The following CD63 variants were observed in gnomAD, a reference collection of about 807,000 sequenced individuals.
CD63 encodes CD63 molecule.
In CD63, 16 loss-of-function variants were observed where a neutral mutation model predicts 29.2. The observed-to-expected ratio is 0.55, with a 90% confidence interval of 0.37 to 0.83. The LOEUF (loss-of-function observed/expected upper bound fraction) is 0.83, where lower values mean the gene tolerates loss of function less well. Among genes scored for constraint, CD63 ranks in the 40% least tolerant of loss-of-function variants. CD63 has a pLI of 0.00. For synonymous variants in CD63, 118 were observed against 111.7 expected (o/e 1.06, Z -0.36); for missense variants, 251 against 297.3 (o/e 0.84, Z 1.15).
rs1302228306 is a variant in CD63, at chr12:55,725,544, C to T, written c.*17G>A. The stretch of plus-strand genomic sequence containing the variant: ...TATTCCACTCCCCCAGATGAGGAGG[C>T]TGAGGAGACCAGACCCCTACATCAC... On this transcript the variant is annotated 3_prime_UTR_variant, in exon 8 of 8. Coordinates refer to ENST00000257857, the MANE Select transcript of CD63 (RefSeq NM_001780.6). 6.2e-7 allele frequency: 1 copy of T among 1,604,382 alleles called. No individual in the cohort carries two copies. Among genetic ancestry groups the T allele is most frequent in the Non-Finnish European group, 8.5e-7 (1 of 1,171,182 alleles).
At chr12:55,725,702 A>C in intron 7 of CD63, 76 bp from the exon 8 acceptor site, 2 of 1,519,626 alleles carry the variant, frequency 1.3e-6, no homozygotes, top group South Asian at 2.2e-5. Context: ...AAGAGACTCC[A>C]AACACACACT....
At position 55,726,754 on chromosome 12, in the gene CD63, C is replaced by T. The variant is rs749369237; in HGVS notation, c.372G>A (p.Glu124=). The T allele has an allele frequency of 1.2e-6, 2 of 1,613,996 alleles. No homozygotes were observed. The highest frequency in any genetic ancestry group is 1.7e-6 in the Non-Finnish European group (2 of 1,180,004). ...CAGTGTGGTTGTTTTTCGGGTAATT[C>T]TCCATCTGCTGCCGGAAGTTGTTAT... ...EFNNNFRQQM[E]NYPKNNHTAS... The change falls in exon 5 of 8, where the codon GAG becomes GAA. Residue 124 remains glutamate (E), a synonymous_variant. Coordinates refer to ENST00000257857, the MANE Select transcript of CD63 (RefSeq NM_001780.6).
At chr12:55,723,652 T>G, downstream of CD63, 1 of 551,956 alleles carries the variant, frequency 1.8e-6, no homozygotes, top group Non-Finnish European at 3.3e-6. Context: ...ATATTAACTC[T>G]CTGGCCCTTT....
Position 55,725,349 on chromosome 12 carries a change from TC to T in CD63, c.*211del, listed in dbSNP as rs1416949771. ...CCAACACCTTCGCAAAGTCCTCCTT[TC>T]CCAAACACCCCCCAAAATAGACCTC... On this transcript the variant is annotated 3_prime_UTR_variant, in exon 8 of 8. Coordinates refer to ENST00000257857, the MANE Select transcript of CD63 (RefSeq NM_001780.6). 1 of 586,768 alleles carries T rather than the reference TC, an allele frequency of 1.7e-6. No homozygotes were observed. Among genetic ancestry groups the T allele is most frequent in the African/African-American group, 1.9e-5 (1 of 53,402 alleles). 36.3% of individuals were successfully genotyped at this position (586,768 alleles called of 1,614,324 possible).
intron 5 of CD63, among the ~76,000 whole-genome samples, 156 bp downstream of exon 5, chr12:55,726,544 C>T (rs540601492): frequency 2.6e-5 from 4 of 151,972 alleles, no homozygotes; most frequent in South Asian, 4.2e-4. Flanking sequence ...AGGGTTTCAC[C>T]ACGTTGGCCA....
chr12:55,725,918 G>C, intron 6 of CD63, 22 bp from the exon 7 acceptor site: 1 of 1,611,166 alleles, frequency 6.2e-7, no homozygotes, highest in Non-Finnish European at 8.5e-7. Flanking sequence ...AGGCACAAAG[G>C]ACAAAAGCAC....
Position 55,728,129 on chromosome 12 carries a change from A to G in CD63, c.66+147T>C, listed in dbSNP as rs1461170979. On this transcript the variant is annotated intron_variant, in intron 2 of 7. Coordinates refer to ENST00000257857, the MANE Select transcript of CD63 (RefSeq NM_001780.6). This position sits in a 1 kb window ranked among gnomAD's most constrained non-coding sequence, Gnocchi z 4.8. ...CTCAGGTGTCCAGGAAAACTGGAGGAGGGAGTGGCTGCGCTGTCTTTCCCT... is the reference window on the plus strand; with the variant it reads ...CTCAGGTGTCCAGGAAAACTGGAGGGGGGAGTGGCTGCGCTGTCTTTCCCT... 2.5e-6 allele frequency: 2 copies of G among 806,018 alleles called. No individual in the cohort carries two copies. The highest frequency in any genetic ancestry group is 5.4e-5 in the East Asian group (2 of 37,030). The allele number at this position is 806,018 out of a possible 1,614,324, so 49.9% of individuals were successfully genotyped here.
downstream of CD63, among the ~76,000 whole-genome samples, chr12:55,725,129 C>T (rs538939977): frequency 1.3e-5 from 2 of 152,272 alleles, no homozygotes; most frequent in East Asian, 1.9e-4. Flanking sequence ...GGGCCCTTAG[C>T]GGTGCACAGA....
downstream of CD63, chr12:55,723,816 A>C (rs940921145): frequency 2.6e-5 from 41 of 1,575,748 alleles, no homozygotes; most frequent in South Asian, 4.6e-4. Context: ...TCAGCTCCCC[A>C]ACCCATGTCC....
chr12:55,725,415 T>C lies in CD63; in HGVS notation c.*146A>G. ...TTAAGGTCCCAGAGGACAGGGAACA[T>C]CAGTAAGGAAAGGAAGGAATCAAGC... On this transcript the variant is annotated 3_prime_UTR_variant, in exon 8 of 8. Coordinates refer to ENST00000257857, the MANE Select transcript of CD63 (RefSeq NM_001780.6). 1.4e-6 allele frequency: 1 copy of C among 714,512 alleles called. No individual in the cohort carries two copies. The highest frequency in any genetic ancestry group is 2.5e-6 in the Non-Finnish European group (1 of 404,478). 44.3% of individuals were successfully genotyped at this position (714,512 alleles called of 1,614,324 possible). A position where few individuals can be genotyped will look rare whatever the true frequency, so the allele number is the denominator to read the frequency against.
downstream of CD63, chr12:55,724,168 G>A: frequency 6.8e-7 from 1 of 1,463,342 alleles, no homozygotes; most frequent in Non-Finnish European, 9.3e-7. Context: ...GGGTGAACAG[G>A]ATGTTACAAG....
chr12:55,727,264 T>C lies in CD63; in HGVS notation c.142A>G (p.Thr48Ala), dbSNP rs922843447. 6.2e-7 allele frequency: 1 copy of C among 1,613,588 alleles called. No homozygotes were observed. Among genetic ancestry groups the C allele is most frequent in the Non-Finnish European group, 8.5e-7 (1 of 1,179,868 alleles). ...ACCACTGGCAACAGAGAGCCAGGGG[T>C]AGCCCCCTGGATTATGGTCTGACTC... is the stretch of plus-strand genomic sequence containing the variant. ...VLSQTIIQGA[T>A]PGSLLPVVII... The change falls in exon 3 of 8, where the codon ACC becomes GCC. Residue 48 changes from threonine (T) to alanine (A), a missense_variant. Coordinates refer to ENST00000257857, the MANE Select transcript of CD63 (RefSeq NM_001780.6).
At chr12:55,726,058 G>A in intron 6 of CD63, 63 bp downstream of exon 6, 1 of 1,583,278 alleles carries the variant, frequency 6.3e-7, no homozygotes, top group Admixed American at 1.7e-5. Context: ...CTCCATCCTG[G>A]GTCTCTTGCA....
rs1049232284 is a variant in CD63 at position 55,725,395 on chromosome 12, GT to G, written c.*165del. ...GACCTCGAAGTACACATGCATTAAG[GT>G]CCCAGAGGACAGGGAACATCAGTAA... On this transcript the variant is annotated 3_prime_UTR_variant, in exon 8 of 8. Coordinates refer to ENST00000257857, the MANE Select transcript of CD63 (RefSeq NM_001780.6). The G allele has an allele frequency of 1.5e-6, 1 of 652,596 alleles. No homozygotes were observed. The highest frequency in any genetic ancestry group is 2.7e-6 in the Non-Finnish European group (1 of 368,334). The allele number at this position is 652,596 out of a possible 1,614,324, so 40.4% of individuals were successfully genotyped here.
intron 2 of CD63, 124 bp from the exon 3 acceptor site, chr12:55,727,463 T>A: frequency 8.3e-7 from 1 of 1,203,230 alleles, no homozygotes; most frequent in Non-Finnish European, 1.1e-6. Flanking sequence ...CTCACACCTC[T>A]AGGGAATTTC....
rs374793611 is a variant in CD63 at position 55,725,498 on chromosome 12, A to G, written c.*63T>C. 1.5e-4 allele frequency: 199 copies of G among 1,326,614 alleles called. No individual in the cohort carries two copies. Among genetic ancestry groups the G allele is most frequent in the African/African-American group, 7.4e-4 (51 of 69,116 alleles). The allele number at this position is 1,326,614 out of a possible 1,614,324, so 82.2% of individuals were successfully genotyped here. ...TCGGTCTGAAAAAATAATCCGTTTAATTGAAAAACCTGGAGGATACTATTC... is the reference window on the plus strand; with the variant it reads ...TCGGTCTGAAAAAATAATCCGTTTAGTTGAAAAACCTGGAGGATACTATTC... On this transcript the variant is annotated 3_prime_UTR_variant, in exon 8 of 8. Coordinates refer to ENST00000257857, the MANE Select transcript of CD63 (RefSeq NM_001780.6).
chr12:55,725,701 C>T (rs1592527694), intron 7 of CD63, 75 bp from the exon 8 acceptor site: 3 of 1,517,610 alleles, frequency 2.0e-6, no homozygotes, highest in South Asian at 2.2e-5. Context: ...CAAGAGACTC[C>T]AAACACACAC....
At position 55,727,169 on chromosome 12, in the gene CD63, G is replaced by A. The variant is rs775258805; in HGVS notation, c.237C>T (p.Asn79=). 3.8e-5 allele frequency: 61 copies of A among 1,613,342 alleles called. No individual in the cohort carries two copies. Among genetic ancestry groups the A allele is most frequent in the Non-Finnish European group, 5.0e-5 (59 of 1,179,870 alleles). The part of the protein sequence containing the change: ...FVGCCGACKE[N]YCLMITFAIF... ...AACTCACCGTGATCATAAGACAATA[G>A]TTCTCCTTGCAGGCCCCGCAGCAGC... is the stretch of plus-strand genomic sequence containing the variant. Residue 79 remains asparagine (N), a synonymous_variant, in exon 3 of 8, where the codon AAC becomes AAT. Transcript: ENST00000257857.
downstream of CD63, chr12:55,724,333 C>T (rs903282271): frequency 6.2e-7 from 1 of 1,614,176 alleles, no homozygotes; most frequent in Admixed American, 1.7e-5. Flanking sequence ...CCTGAAAATG[C>T]AACAGCGCAT....
Sources: allele counts gnomAD v4.1 joint callset (sites outside exome capture counted in the v4.1 genomes callset), GRCh38; gene constraint gnomAD v4.1.1; non-coding constraint Gnocchi (gnomAD v3.1); transcripts MANE v1.5; gene names NCBI Gene and HGNC (gene_info 2026-07-23, HGNC 2026-07-21).